Variants in EML4 observed in about 807,000 individuals in gnomAD.
EML4 encodes echinoderm microtubule-associated protein-like 4.
A neutral mutation model predicts 129.0 loss-of-function variants in EML4; 72 were observed. The observed-to-expected ratio is 0.56, with a 90% CI of 0.46 to 0.68. The LOEUF (loss-of-function observed/expected upper bound fraction) is 0.68, where lower values mean the gene tolerates loss of function less well. EML4 is among the 30% of genes least tolerant of loss of function. EML4 has a pLI of 0.00. For missense variants in EML4, 1,363 were observed against 1,190.6 expected (o/e 1.14, Z -2.13); for synonymous variants, 532 against 405.0 (o/e 1.31, Z -3.77).
intron 1 of EML4, among the ~76,000 whole-genome samples, chr2:42,202,064 C>T (rs1001994686): frequency 5.4e-5 from 8 of 147,298 alleles, no homozygotes; most frequent in African/African-American, 2.0e-4. Context: ...GCCTGGGTGA[C>T]AGAGTGAGAC....
chr2:42,317,248 T>C (rs1361904836), intron 18 of EML4, among the ~76,000 whole-genome samples, 179 bp from the exon 19 acceptor site: 3 of 152,196 alleles, frequency 2.0e-5, no homozygotes, highest in African/African-American at 7.2e-5. Flanking sequence ...CAAGAAGGGA[T>C]TGTGTATTAG....
At chr2:42,183,363 G>A (rs1190473211) in intron 1 of EML4, among the ~76,000 whole-genome samples, 1 of 152,150 alleles carries the variant, frequency 6.6e-6, no homozygotes, top group African/African-American at 2.4e-5. Context: ...TGGCTTCTGT[G>A]TAAACAATTG....
chr2:42,188,894 C>A (rs1016905839), intron 1 of EML4, among the ~76,000 whole-genome samples: 6 of 152,124 alleles, frequency 3.9e-5, no homozygotes, highest in African/African-American at 1.4e-4. Flanking sequence ...CTTTGGGAGT[C>A]CAAGGCAGGA....
At chr2:42,179,087 G>T (rs1670783588) in intron 1 of EML4, among the ~76,000 whole-genome samples, 1 of 152,148 alleles carries the variant, frequency 6.6e-6, no homozygotes, top group Non-Finnish European at 1.5e-5. Flanking sequence ...CACCTTGTGT[G>T]CATGATCAAA....
chr2:42,266,304 G>A (rs1254644944), intron 6 of EML4, among the ~76,000 whole-genome samples: 10 of 151,970 alleles, frequency 6.6e-5, no homozygotes, highest in African/African-American at 2.4e-4. Context: ...TACTTTAAAG[G>A]GAAAAATGAA....
chr2:42,235,530 T>C (rs1335308997), intron 1 of EML4, among the ~76,000 whole-genome samples: 1 of 152,172 alleles, frequency 6.6e-6, no homozygotes, highest in Non-Finnish European at 1.5e-5. Context: ...TGGTCTTCAC[T>C]CAACGTTAGC....
At chr2:42,266,734 C>T (rs1666087461) in intron 6 of EML4, among the ~76,000 whole-genome samples, 1 of 151,738 alleles carries the variant, frequency 6.6e-6, no homozygotes, top group African/African-American at 2.4e-5. Flanking sequence ...GTGGTTGGTC[C>T]TGGCTCTTAT....
intron 17 of EML4, among the ~76,000 whole-genome samples, chr2:42,314,484 A>G (rs766041039): frequency 1.3e-5 from 2 of 152,230 alleles, no homozygotes; most frequent in Non-Finnish European, 2.9e-5. Context: ...AGGTAAGAGA[A>G]ACAGAATTTA....
intron 19 of EML4, among the ~76,000 whole-genome samples, chr2:42,321,362 G>A (rs1285676200): frequency 1.3e-5 from 2 of 151,992 alleles, no homozygotes; most frequent in African/African-American, 4.8e-5. Flanking sequence ...CAGCCTGGGC[G>A]ACAGCGAGAC....
At chr2:42,228,404 G>C (rs180787743) in intron 1 of EML4, among the ~76,000 whole-genome samples, 8 of 152,266 alleles carry the variant, frequency 5.3e-5, no homozygotes, top group African/African-American at 1.7e-4. Flanking sequence ...TTGATTGATA[G>C]ATTTCCTCTG....
intron 13 of EML4, 55 bp from the exon 14 acceptor site, chr2:42,301,186 C>G (rs926843040): frequency 7.9e-6 from 12 of 1,512,706 alleles, no homozygotes; most frequent in Non-Finnish European, 6.3e-6. Flanking sequence ...CAAATAGACA[C>G]TAAAATCTGA....
At chr2:42,300,377 C>G (rs557164430) in intron 13 of EML4, among the ~76,000 whole-genome samples, 26 of 152,276 alleles carry the variant, frequency 1.7e-4, no homozygotes, top group Admixed American at 1.5e-3. Flanking sequence ...TATTCTCACC[C>G]TTAAAAGGGG....
At chr2:42,215,086 G>T (rs1673105107) in intron 1 of EML4, among the ~76,000 whole-genome samples, 1 of 152,036 alleles carries the variant, frequency 6.6e-6, no homozygotes, top group South Asian at 2.1e-4. Flanking sequence ...TTGAGACAGG[G>T]TCTCTTTGTG....
chr2:42,203,055 TACA>T (rs1374033671), intron 1 of EML4, among the ~76,000 whole-genome samples: 4 of 152,060 alleles, frequency 2.6e-5, no homozygotes, highest in African/African-American at 9.7e-5. Flanking sequence ...AAGAATATAT[TACA>T]TATTTCAAAA....
At chr2:42,288,757 A>G (rs1667452400) in intron 11 of EML4, 1 of 152,894 alleles carries the variant, frequency 6.5e-6, no homozygotes, top group Non-Finnish European at 1.5e-5. Context: ...TGTTTGTAGG[A>G]TTATTTTAGA....
chr2:42,248,603 T>C (rs1442346663), intron 2 of EML4, among the ~76,000 whole-genome samples: 1 of 152,186 alleles, frequency 6.6e-6, no homozygotes, highest in African/African-American at 2.4e-5. Context: ...GCTCTTTTTC[T>C]GGAGCCACAG....
chr2:42,235,599 T>C (rs1392249851), intron 1 of EML4, among the ~76,000 whole-genome samples: 2 of 152,228 alleles, frequency 1.3e-5, no homozygotes, highest in Non-Finnish European at 2.9e-5. Context: ...GGCTGCACAG[T>C]ATCTCAGCAT....
rs1421576131 is a variant in EML4, at chr2:42,317,471, C to G, written c.2101C>G (p.Leu701Val). 1.9e-6 allele frequency: 3 copies of G among 1,612,692 alleles called. No homozygotes were observed. The highest frequency in any genetic ancestry group is 2.5e-6 in the Non-Finnish European group (3 of 1,179,302). The change falls in exon 19 of 23, where the codon CTC becomes GTC. Residue 701 changes from leucine (L) to valine (V), a missense_variant. Physicochemically the swap from Leu to Val is conservative, Grantham distance 32. Coordinates refer to ENST00000318522, the MANE Select transcript of EML4 (RefSeq NM_019063.5). ...AGGATCTCATGACAACTTTATTTACCTCTATGTAGTCTCTGAAAATGGAAG... is the reference window on the plus strand; with the variant it reads ...AGGATCTCATGACAACTTTATTTACGTCTATGTAGTCTCTGAAAATGGAAG... ...AVGSHDNFIYLYVVSENGRKY... is the reference protein window; with the variant it reads ...AVGSHDNFIYVYVVSENGRKY...
chr2:42,261,306 C>A lies in EML4; in HGVS notation c.512+12C>A. 1 of 1,605,398 alleles carries A rather than the reference C, an allele frequency of 6.2e-7. No homozygotes were observed. The highest frequency in any genetic ancestry group is 1.1e-5 in the South Asian group (1 of 89,914). On this transcript the variant is annotated intron_variant, in intron 4 of 22. Coordinates refer to ENST00000318522, the MANE Select transcript of EML4 (RefSeq NM_019063.5). Reference sequence around the variant, plus strand: ...ACTCCCACCAAAAGGTTTTAACTGTCCCCAAGTACAGAGCTAGGGAATGGT... The same window carrying A: ...ACTCCCACCAAAAGGTTTTAACTGTACCCAAGTACAGAGCTAGGGAATGGT...
Sources: gnomAD v4.1 joint callset for allele counts (sites outside exome capture counted in the v4.1 genomes callset) on GRCh38, gnomAD v4.1.1 for gene constraint, MANE v1.5 for transcripts, NCBI Gene and HGNC (gene_info 2026-07-23, HGNC 2026-07-21) for gene names.